Variants in GAK observed in about 807,000 individuals in gnomAD.
The protein encoded by GAK is cyclin G associated kinase.
Under a neutral mutation model 143.9 loss-of-function variants are expected in GAK, and 79 were observed. That is an observed-to-expected ratio of 0.55 (90% CI 0.46 to 0.66). The LOEUF (loss-of-function observed/expected upper bound fraction) is 0.66. Ranked by LOEUF, GAK falls within the 30% of genes least tolerant of loss-of-function variation. GAK has a pLI of 0.00. For synonymous variants in GAK, 881 were observed against 765.5 expected (o/e 1.15, Z -2.49); for missense variants, 1,693 against 1,779.7 (o/e 0.95, Z 0.88).
intron 9 of GAK, among the ~76,000 whole-genome samples, chr4:891,868 A>G (rs974499143): frequency 9.9e-5 from 15 of 152,124 alleles, no homozygotes; most frequent in Non-Finnish European, 1.6e-4. Flanking sequence ...GCCCCAGGGA[A>G]GCTTGCTGAG....
At chr4:913,022 G>A (rs554908386) in intron 2 of GAK, among the ~76,000 whole-genome samples, 1 of 152,352 alleles carries the variant, frequency 6.6e-6, no homozygotes, top group Admixed American at 6.5e-5. Context: ...AAAAGCAGGA[G>A]CCTTTCCCCA....
intron 18 of GAK, among the ~76,000 whole-genome samples, chr4:872,084 A>G (rs578107160): frequency 1.3e-5 from 2 of 152,246 alleles, no homozygotes; most frequent in African/African-American, 4.8e-5. Context: ...GGGCAGGGAG[A>G]CGGGCCCGGC....
intron 10 of GAK, among the ~76,000 whole-genome samples, chr4:889,517 G>A (rs574767286): frequency 2.0e-5 from 3 of 152,300 alleles, no homozygotes. Flanking sequence ...CGAGCAGATG[G>A]GGGCACTGCA....
chr4:896,314 G>A (rs1718759258), intron 7 of GAK, 146 bp downstream of exon 7: 2 of 650,148 alleles, frequency 3.1e-6, no homozygotes, highest in Admixed American at 2.8e-5. Context: ...GATTCTTAAG[G>A]AAAGGAAAAA....
At chr4:885,218 G>T (rs1190586533) in intron 11 of GAK, among the ~76,000 whole-genome samples, 3 of 152,206 alleles carry the variant, frequency 2.0e-5, no homozygotes, top group Non-Finnish European at 4.4e-5. Context: ...CACTTTTGCA[G>T]CAAGAGACAA....
chr4:870,963 G>C (rs1333444330), intron 18 of GAK, 59 bp from the exon 19 acceptor site: 2 of 1,428,888 alleles, frequency 1.4e-6, no homozygotes, highest in African/African-American at 2.9e-5. Context: ...TAAGTCCTTG[G>C]ACATTCACTA....
chr4:872,616 A>G (rs1035477629), intron 18 of GAK: 1 of 152,366 alleles, frequency 6.6e-6, no homozygotes, highest in African/African-American at 2.4e-5. Flanking sequence ...GGTCGGCCAG[A>G]CGGGCTTGGG....
chr4:914,619 G>A (rs1220430457), intron 1 of GAK, among the ~76,000 whole-genome samples: 20 of 61,896 alleles, frequency 3.2e-4, no homozygotes, highest in African/African-American at 1.4e-3. Context: ...CAGCGTACAC[G>A]GCCCCCCGCA....
At chr4:878,376 C>T (rs1042133631) in intron 15 of GAK, among the ~76,000 whole-genome samples, 1 of 151,844 alleles carries the variant, frequency 6.6e-6, no homozygotes, top group African/African-American at 2.4e-5. Context: ...AATTTTTATT[C>T]CACTGTGGCC....
rs889723854 is a variant in GAK, at chr4:892,417, G to C, written c.990+960C>G. On this transcript the variant is annotated intron_variant, in intron 9 of 27. Coordinates refer to ENST00000314167, the MANE Select transcript of GAK (RefSeq NM_005255.4). ...GCTCCCCGTGGGTGAGGGCCGGGCC[G>C]CGTGTCTGCTCTGCCTCGAGGATCT... 1.1e-4 allele frequency among the ~76,000 whole-genome samples: 16 copies of C among 152,346 alleles called. No individual in the cohort carries two copies. In the South Asian group the frequency reaches 3.3e-3, roughly 32 times the overall value.
At chr4:930,573 CCT>C (rs141165441) in intron 1 of GAK, among the ~76,000 whole-genome samples, 7,629 of 151,138 alleles carry the variant, frequency 0.05, 282 homozygotes, top group Middle Eastern at 0.11. Flanking sequence ...CCCTGTGCTG[CCT>C]CTGTCTCTCC....
chr4:899,287 GAC>G (rs1163584325), intron 5 of GAK, among the ~76,000 whole-genome samples: 3 of 152,236 alleles, frequency 2.0e-5, no homozygotes. Flanking sequence ...CAACAAGACA[GAC>G]AGCACAGACG....
chr4:877,612 C>A lies in GAK; in HGVS notation c.1856+3G>T. 2 of 1,576,636 alleles carry A rather than the reference C, an allele frequency of 1.3e-6. No individual in the cohort carries two copies. Among genetic ancestry groups the A allele is most frequent in the South Asian group, 1.2e-5 (1 of 85,638 alleles). On this transcript the variant is annotated splice_donor_region_variant and intron_variant, in intron 16 of 27. Coordinates refer to ENST00000314167, the MANE Select transcript of GAK (RefSeq NM_005255.4). ...CACAGCGTGGGGCTGCAGCTGCACT[C>A]ACCGCATCTTGTCGTACTCCTGGGA...
chr4:904,813 G>A (rs745312680), intron 4 of GAK, 34 bp from the exon 5 acceptor site: 2 of 1,607,732 alleles, frequency 1.2e-6, no homozygotes, highest in Non-Finnish European at 1.7e-6. Flanking sequence ...GGAGGCAGGA[G>A]AACAGGGTCC....
chr4:889,540 T>A (rs115260110), intron 10 of GAK, among the ~76,000 whole-genome samples: 7,134 of 151,924 alleles, frequency 0.047, 194 homozygotes, highest in South Asian at 0.1. Context: ...ACCCAGCAGC[T>A]CGAGGACTCA....
chr4:896,410 A>G (rs1437684772), intron 7 of GAK, 50 bp downstream of exon 7: 6 of 1,505,756 alleles, frequency 4.0e-6, no homozygotes, highest in Non-Finnish European at 5.5e-6. Flanking sequence ...CCTCAGGTTA[A>G]GTAGGGCGCA....
In GAK at chr4:877,814, G is replaced by A. The variant is rs780923976; in HGVS notation, c.1662-5C>T. 1 of 1,572,916 alleles carries A rather than the reference G, an allele frequency of 6.4e-7. No homozygotes were observed. The highest frequency in any genetic ancestry group is 8.7e-7 in the Non-Finnish European group (1 of 1,155,920). On this transcript the variant is annotated splice_polypyrimidine_tract_variant and splice_region_variant and intron_variant, in intron 15 of 27. Coordinates refer to ENST00000314167, the MANE Select transcript of GAK (RefSeq NM_005255.4). ...TCACACATGTACTCGATGTACCTGGGGGCAGACGTGCCGCGTCACCACGTG... is the reference window on the plus strand; with the variant it reads ...TCACACATGTACTCGATGTACCTGGAGGCAGACGTGCCGCGTCACCACGTG...
intron 24 of GAK, among the ~76,000 whole-genome samples, chr4:858,816 G>T (rs1749742393): frequency 6.6e-6 from 1 of 152,218 alleles, no homozygotes; most frequent in Non-Finnish European, 1.5e-5. Flanking sequence ...CTCAGGGAAG[G>T]ACAGGAGAAA....
intron 26 of GAK, 169 bp downstream of exon 26, chr4:850,767 G>T: frequency 1.6e-6 from 1 of 634,276 alleles, no homozygotes; most frequent in Non-Finnish European, 2.5e-6. Context: ...CAGGCCCATC[G>T]GCAGTGACAG....
Sources: allele counts gnomAD v4.1 joint callset (sites outside exome capture counted in the v4.1 genomes callset), GRCh38; gene constraint gnomAD v4.1.1; transcripts MANE v1.5; gene names NCBI Gene and HGNC (gene_info 2026-07-23, HGNC 2026-07-21).